SLC9C1: variants seen among roughly 807,000 people sequenced by gnomAD.
SLC9C1 encodes solute carrier family 9 member C1.
In SLC9C1, 97 loss-of-function variants were observed where a neutral mutation model predicts 140.9. That is an observed-to-expected ratio of 0.69 (90% CI 0.58 to 0.82). The LOEUF (loss-of-function observed/expected upper bound fraction) is 0.82, where lower values mean the gene tolerates loss of function less well. SLC9C1 is among the 40% of genes least tolerant of loss of function. The probability of loss-of-function intolerance (pLI) is 0.00; values close to 1 mark genes in which losing one functional copy is unlikely to be tolerated. For missense variants in SLC9C1, 1,340 were observed against 1,389.3 expected (o/e 0.96, Z 0.56); for synonymous variants, 440 against 442.6 (o/e 0.99, Z 0.07).
chr3:112,152,509 A>T (rs563484640), intron 27 of SLC9C1, among the ~76,000 whole-genome samples: 1 of 151,722 alleles, frequency 6.6e-6, no homozygotes, highest in African/African-American at 2.4e-5. Flanking sequence ...CAGGAGACAG[A>T]TGCCTTCCTC....
chr3:112,232,308 C>T (rs934597943), intron 12 of SLC9C1, among the ~76,000 whole-genome samples: 17 of 152,260 alleles, frequency 1.1e-4, no homozygotes, highest in Admixed American at 1.0e-3. Flanking sequence ...GATCCCTGCT[C>T]AGACCACCTG....
At chr3:112,257,300 C>A (rs539198183) in intron 10 of SLC9C1, among the ~76,000 whole-genome samples, 1 of 152,042 alleles carries the variant, frequency 6.6e-6, no homozygotes, top group South Asian at 2.1e-4. Flanking sequence ...TTCAAAATGT[C>A]CAACAGGGCT....
chr3:112,216,213 G>A (rs983441120), intron 15 of SLC9C1, among the ~76,000 whole-genome samples: 1 of 152,140 alleles, frequency 6.6e-6, no homozygotes, highest in Non-Finnish European at 1.5e-5. Flanking sequence ...ATTCAAGATG[G>A]ATTAAAGACT....
intron 23 of SLC9C1, among the ~76,000 whole-genome samples, chr3:112,172,313 A>G (rs1272592901): frequency 6.6e-6 from 1 of 151,898 alleles, no homozygotes; most frequent in Non-Finnish European, 1.5e-5. Context: ...TATCTCTTTT[A>G]TACTTTGATT....
intron 10 of SLC9C1, among the ~76,000 whole-genome samples, chr3:112,262,246 A>G (rs1386768734): frequency 2.0e-5 from 3 of 152,014 alleles, no homozygotes; most frequent in Non-Finnish European, 2.9e-5. Context: ...AGGTCATGCA[A>G]TATCAGATAA....
intron 26 of SLC9C1, among the ~76,000 whole-genome samples, chr3:112,164,622 G>A (rs1031448402): frequency 6.6e-6 from 1 of 151,118 alleles, no homozygotes; most frequent in Admixed American, 6.6e-5. Flanking sequence ...CTTGCTTGTA[G>A]AGTTTCTCCT....
intron 5 of SLC9C1, 41 bp from the exon 6 acceptor site, chr3:112,275,066 A>C (rs142566100): frequency 3.2e-5 from 49 of 1,521,898 alleles, no homozygotes; most frequent in Non-Finnish European, 4.0e-5. Flanking sequence ...TAAAGTGAGA[A>C]AAACATTAAA....
intron 8 of SLC9C1, among the ~76,000 whole-genome samples, chr3:112,265,573 T>A (rs73853381): frequency 6.6e-6 from 1 of 152,090 alleles, no homozygotes; most frequent in Non-Finnish European, 1.5e-5. Context: ...TTAACACATA[T>A]GTTTTCATTA....
chr3:112,250,908 A>G (rs1240372503), intron 10 of SLC9C1, among the ~76,000 whole-genome samples: 1 of 152,202 alleles, frequency 6.6e-6, no homozygotes, highest in Admixed American at 6.5e-5. Context: ...AAGAGAATAT[A>G]AATTGTTCTA....
intron 25 of SLC9C1, 116 bp from the exon 26 acceptor site, chr3:112,167,463 T>C (rs1230685861): frequency 2.0e-6 from 2 of 1,015,494 alleles, no homozygotes; most frequent in Non-Finnish European, 2.7e-6. Context: ...TGGAAAATAT[T>C]AACAAATCAA....
chr3:112,206,627 A>G (rs1560065078), intron 16 of SLC9C1, among the ~76,000 whole-genome samples: 1 of 152,158 alleles, frequency 6.6e-6, no homozygotes, highest in East Asian at 1.9e-4. Flanking sequence ...GATTAAGAAA[A>G]TGTGGCCCAT....
chr3:112,238,485 T>C (rs1163391380), intron 12 of SLC9C1, among the ~76,000 whole-genome samples: 1 of 152,238 alleles, frequency 6.6e-6, no homozygotes, highest in Non-Finnish European at 1.5e-5. Flanking sequence ...TCCAGCTTTT[T>C]TCTGTTGCTG....
At chr3:112,155,912 A>G (rs2107867500) in intron 26 of SLC9C1, among the ~76,000 whole-genome samples, 1 of 152,310 alleles carries the variant, frequency 6.6e-6, no homozygotes, top group South Asian at 2.1e-4. Context: ...TTTTGGGGGT[A>G]CATATAATAT....
In SLC9C1 at chr3:112,270,826, G is replaced by T. The variant is rs570938337; in HGVS notation, c.614-749C>A. Among the ~76,000 whole-genome samples, 3 of 152,094 alleles carry T rather than the reference G, an allele frequency of 2.0e-5. No individual in the cohort carries two copies. In the South Asian group the frequency reaches 6.2e-4, roughly 32 times the overall value. Reference sequence around the variant, plus strand: ...GCAAGACTCTGTCTCAAAAAAAAAGGGTACCAGTTGACCATTTGTATGTCT... The same window carrying T: ...GCAAGACTCTGTCTCAAAAAAAAAGTGTACCAGTTGACCATTTGTATGTCT... On this transcript the variant is annotated intron_variant, in intron 6 of 28. Transcript: ENST00000305815.
intron 10 of SLC9C1, among the ~76,000 whole-genome samples, chr3:112,252,047 T>C (rs2079474770): frequency 6.6e-6 from 1 of 152,206 alleles, no homozygotes; most frequent in Non-Finnish European, 1.5e-5. Flanking sequence ...CATGTCAGAC[T>C]GTAGACTGGG....
intron 25 of SLC9C1, 143 bp downstream of exon 25, chr3:112,168,734 G>A (rs2077187540): frequency 1.4e-6 from 1 of 732,328 alleles, no homozygotes; most frequent in Admixed American, 3.2e-5. Flanking sequence ...TTGTGGGTAT[G>A]AGTGAGTGTT....
At chr3:112,259,471 T>G (rs963010526) in intron 10 of SLC9C1, among the ~76,000 whole-genome samples, 11 of 150,534 alleles carry the variant, frequency 7.3e-5, no homozygotes, top group Admixed American at 7.3e-4. Flanking sequence ...TCGTGTCCTT[T>G]GCAGCAACAT....
intron 20 of SLC9C1, among the ~76,000 whole-genome samples, chr3:112,189,984 T>G (rs1189634372): frequency 1.3e-5 from 2 of 152,232 alleles, no homozygotes; most frequent in Non-Finnish European, 2.9e-5. Context: ...TATTTTATTC[T>G]CATTGTAGCA....
chr3:112,246,075 A>G (rs2079275363), intron 10 of SLC9C1, among the ~76,000 whole-genome samples: 2 of 152,162 alleles, frequency 1.3e-5, no homozygotes, highest in African/African-American at 4.8e-5. Flanking sequence ...CATGTTGATT[A>G]TATTTTATTT....
Sources: gnomAD v4.1 joint callset for allele counts (sites outside exome capture counted in the v4.1 genomes callset) on GRCh38, gnomAD v4.1.1 for gene constraint, MANE v1.5 for transcripts, NCBI Gene and HGNC (gene_info 2026-07-23, HGNC 2026-07-21) for gene names.